The following SLC2A1 variants were observed in gnomAD, a reference collection of about 807,000 sequenced individuals.
SLC2A1 encodes the protein solute carrier family 2 member 1.
Under a neutral mutation model 46.6 loss-of-function variants are expected in SLC2A1, and 4 were observed. The observed-to-expected ratio is 0.09, with a 90% CI of 0.04 to 0.20. SLC2A1 has a LOEUF of 0.20. SLC2A1 is among the 10% of genes least tolerant of loss of function. The pLI is 1.00. For synonymous variants in SLC2A1, 253 were observed against 270.0 expected (o/e 0.94, Z 0.62); for missense variants, 352 against 667.0 (o/e 0.53, Z 5.20).
At chr1:42,955,761 G>A (rs1263089847) in intron 1 of SLC2A1, among the ~76,000 whole-genome samples, 1 of 152,178 alleles carries the variant, frequency 6.6e-6, no homozygotes, top group African/African-American at 2.4e-5. Flanking sequence ...GAAGGGTGGG[G>A]TGAGACATCT....
intron 1 of SLC2A1, among the ~76,000 whole-genome samples, chr1:42,948,880 C>A (rs1257539736): frequency 6.6e-6 from 1 of 151,842 alleles, no homozygotes; most frequent in African/African-American, 2.4e-5. Context: ...CTGGCTAACA[C>A]GGTGAAACCC....
At chr1:42,932,644 C>T (rs1041875318) in intron 2 of SLC2A1, among the ~76,000 whole-genome samples, 2 of 152,194 alleles carry the variant, frequency 1.3e-5, no homozygotes, top group East Asian at 3.8e-4. Context: ...TCCATCACTG[C>T]TGTTGGTCCT....
In SLC2A1 at chr1:42,930,135, G is replaced by T; in HGVS notation, c.517-100C>A. The T allele has an allele frequency of 7.4e-7, 1 of 1,353,752 alleles. No homozygotes were observed. Among genetic ancestry groups the T allele is most frequent in the Non-Finnish European group, 1.0e-6 (1 of 962,024 alleles). 83.9% of individuals were successfully genotyped at this position (1,353,752 alleles called of 1,614,324 possible). A position where few individuals can be genotyped will look rare whatever the true frequency, so the allele number is the denominator to read the frequency against. ...CTACTTTGTGTCAGCTGCTGCTTCA[G>T]GGAAGGGCCCCAGTTCTAGAGGCTC... On this transcript the variant is annotated intron_variant, in intron 4 of 9. Transcript: ENST00000426263. This position sits in a 1 kb window ranked among gnomAD's most constrained non-coding sequence, Gnocchi z 6.2.
intron 1 of SLC2A1, among the ~76,000 whole-genome samples, chr1:42,949,323 C>T (rs1176055724): frequency 1.3e-5 from 2 of 152,266 alleles, no homozygotes; most frequent in Non-Finnish European, 1.5e-5. Flanking sequence ...GCTGTAACAT[C>T]GGCACTTGAC....
intron 1 of SLC2A1, among the ~76,000 whole-genome samples, chr1:42,958,213 G>C (rs1643800273): frequency 6.6e-6 from 1 of 151,476 alleles, no homozygotes; most frequent in African/African-American, 2.4e-5. Context: ...CCGGGGGCTC[G>C]GCCCGCTCAG....
intron 2 of SLC2A1, among the ~76,000 whole-genome samples, chr1:42,941,595 T>C (rs1014853953): frequency 1.7e-4 from 26 of 152,232 alleles, no homozygotes. Flanking sequence ...GCTGTCAACC[T>C]TGGCTGCACA....
intron 1 of SLC2A1, 135 bp from the exon 2 acceptor site, chr1:42,943,456 A>C: frequency 1.3e-6 from 1 of 758,380 alleles, no homozygotes; most frequent in Non-Finnish European, 2.3e-6. Context: ...TCTCCCAGGA[A>C]ACTTGGCCAA....
At chr1:42,957,803 G>C (rs1327540735) in intron 1 of SLC2A1, among the ~76,000 whole-genome samples, 2 of 152,152 alleles carry the variant, frequency 1.3e-5, no homozygotes, top group Non-Finnish European at 2.9e-5. Flanking sequence ...ACCCCGTGGC[G>C]TGCGCGCTTC....
chr1:42,947,597 A>C (rs1643672303), intron 1 of SLC2A1, among the ~76,000 whole-genome samples: 1 of 151,210 alleles, frequency 6.6e-6, no homozygotes, highest in Non-Finnish European at 1.5e-5. Flanking sequence ...AAAAAAAAAA[A>C]AAAAAAAAAC....
At chr1:42,948,944 T>C (rs1643691057) in intron 1 of SLC2A1, among the ~76,000 whole-genome samples, 1 of 152,156 alleles carries the variant, frequency 6.6e-6, no homozygotes, top group African/African-American at 2.4e-5. Context: ...GGCGCATGCC[T>C]GTAGTCCCAG....
At chr1:42,934,145 AGAGG>A (rs1570596016) in intron 2 of SLC2A1, among the ~76,000 whole-genome samples, 1 of 152,228 alleles carries the variant, frequency 6.6e-6, no homozygotes, top group African/African-American at 2.4e-5. Flanking sequence ...GCAACTGACA[AGAGG>A]GCTGTGTGTA....
In SLC2A1 at chr1:42,927,316, T is replaced by G; in HGVS notation, c.1279-75A>C. On this transcript the variant is annotated intron_variant, in intron 9 of 9. Transcript: ENST00000426263. This position sits in a 1 kb window ranked among gnomAD's most constrained non-coding sequence, Gnocchi z 5.3. Reference sequence around the variant, plus strand: ...GCTGTAGGACTTTGGATAAGTCACTTTACCTTTGGGCCTTTGAGCTGAAAA... The same window carrying G: ...GCTGTAGGACTTTGGATAAGTCACTGTACCTTTGGGCCTTTGAGCTGAAAA... The G allele has an allele frequency of 7.1e-7, 1 of 1,412,834 alleles. No individual in the cohort carries two copies. 87.5% of individuals were successfully genotyped at this position (1,412,834 alleles called of 1,614,324 possible). A position where few individuals can be genotyped will look rare whatever the true frequency, so the allele number is the denominator to read the frequency against.
Position 42,943,292 on chromosome 1 carries a change from C to T in SLC2A1, c.48G>A (p.Val16=). 6.2e-7 allele frequency: 1 copy of T among 1,613,952 alleles called. No homozygotes were observed. Among genetic ancestry groups the T allele is most frequent in the East Asian group, 2.2e-5 (1 of 44,876 alleles). ...GCAGGGAGCCAAGCACTGCTCCTCC[C>T]ACGGCCAGCATGAGGCGACCCGTCA... ...KKLTGRLMLA[V]GGAVLGSLQF... is the part of the protein sequence containing the mutation. The change falls in exon 2 of 10, where the codon GTG becomes GTA. Residue 16 remains valine, a synonymous_variant. Transcript: ENST00000426263.
rs749067830 is a variant in SLC2A1, at chr1:42,927,085, G to T, written c.1435C>A (p.Pro479Thr). 22 of 1,614,196 alleles carry T rather than the reference G, an allele frequency of 1.4e-5. No homozygotes were observed. In the East Asian group the frequency reaches 3.8e-4, roughly 28 times the overall value. ...CCCAGGGGATGGAACAGCTCCTCGG[G>T]TGTCTTGTCACTTTGGCTGGCTCCC... ...QGGASQSDKT[P>T]EELFHPLGAD... The change falls in exon 10 of 10, where the codon CCC becomes ACC. Residue 479 changes from proline (P) to threonine (T), a missense_variant. Transcript: ENST00000426263. The surrounding 1 kb of genome is among the most constrained non-coding windows in gnomAD (Gnocchi z 5.3).
In SLC2A1 at chr1:42,956,349, G is replaced by A. The variant is rs556712041; in HGVS notation, c.18+2285C>T. Among the ~76,000 whole-genome samples the A allele has an allele frequency of 2.4e-4, 36 of 149,490 alleles. No homozygotes were observed. In the East Asian group the frequency reaches 7.1e-3, roughly 30 times the overall value. On this transcript the variant is annotated intron_variant, in intron 1 of 9. Coordinates refer to ENST00000426263, the MANE Select transcript of SLC2A1 (RefSeq NM_006516.4). ...GGCCGAGGCGGGCAGATCATCTGAG[G>A]TCGGGAGTTCGAGACCAGCCTGACC...
rs1643444859 is a variant in SLC2A1 at position 42,927,894 on chromosome 1, G to C, written c.1075-86C>G. The C allele has an allele frequency of 9.7e-7, 1 of 1,031,258 alleles. No individual in the cohort carries two copies. The highest frequency in any genetic ancestry group is 1.5e-6 in the Non-Finnish European group (1 of 680,144). 63.9% of individuals were successfully genotyped at this position (1,031,258 alleles called of 1,614,324 possible). A position where few individuals can be genotyped will look rare whatever the true frequency, so the allele number is the denominator to read the frequency against. ...AACAGAAGCTACAGAGGCCAGAGCA[G>C]AGCTATGCGAGAAGGCAGGAAGCCT... On this transcript the variant is annotated intron_variant, in intron 8 of 9. Transcript: ENST00000426263. The surrounding 1 kb of genome is among the most constrained non-coding windows in gnomAD (Gnocchi z 5.3).
intron 1 of SLC2A1, among the ~76,000 whole-genome samples, chr1:42,957,162 T>C (rs1306912545): frequency 6.6e-6 from 1 of 152,254 alleles, no homozygotes; most frequent in Non-Finnish European, 1.5e-5. Context: ...TTAAGTGGCC[T>C]GCAAGAGCCC....
chr1:42,927,106 C>G lies in SLC2A1; in HGVS notation c.1414G>C (p.Ala472Pro). The change falls in exon 10 of 10, where the codon GCC (alanine) becomes CCC (proline). Residue 472 changes from alanine (A) to proline (P), a missense_variant. Around this residue, in one of 5 missense-constraint regions of SLC2A1, gnomAD observed 41 missense variants for 49.1 expected, o/e 0.83. Transcript: ENST00000426263. This position sits in a 1 kb window ranked among gnomAD's most constrained non-coding sequence, Gnocchi z 5.3. ...TCGGGTGTCTTGTCACTTTGGCTGGCTCCCCCCTGCCGGAAGCCGGAAGCG... is the reference window on the plus strand; with the variant it reads ...TCGGGTGTCTTGTCACTTTGGCTGGGTCCCCCCTGCCGGAAGCCGGAAGCG... The part of the protein sequence containing the change: ...EIASGFRQGG[A>P]SQSDKTPEEL... 1.2e-6 allele frequency: 2 copies of G among 1,614,184 alleles called. No homozygotes were observed. Among genetic ancestry groups the G allele is most frequent in the East Asian group, 4.5e-5 (2 of 44,870 alleles).
chr1:42,958,384 G>T (rs1032961600), intron 1 of SLC2A1, among the ~76,000 whole-genome samples: 3 of 150,762 alleles, frequency 2.0e-5, no homozygotes, highest in Admixed American at 2.0e-4. Flanking sequence ...GAGGCCATGT[G>T]CTCAGTGCCG....
Sources: gnomAD v4.1 joint callset for allele counts (sites outside exome capture counted in the v4.1 genomes callset) on GRCh38, gnomAD v4.1.1 for gene constraint, gnomAD v4.1.1 regional missense constraint, Gnocchi (gnomAD v3.1) non-coding constraint, MANE v1.5 for transcripts, NCBI Gene and HGNC (gene_info 2026-07-23, HGNC 2026-07-21) for gene names.